Variants in ZNF423 observed in about 807,000 individuals in gnomAD.
ZNF423 encodes the protein Ebf-associated zinc finger protein.
ZNF423 carries 12 observed loss-of-function variants against 95.8 expected under a neutral mutation model. The observed-to-expected ratio is 0.13, with a 90% CI of 0.08 to 0.20. The LOEUF (loss-of-function observed/expected upper bound fraction) is 0.20. Among genes scored for constraint, ZNF423 ranks in the 10% least tolerant of loss-of-function variants. ZNF423 has a pLI of 1.00. For missense variants in ZNF423, 1,316 were observed against 1,737.1 expected (o/e 0.76, Z 4.31); for synonymous variants, 749 against 711.9 (o/e 1.05, Z -0.83).
chr16:49,499,970 G>C (rs1365253806), intron 7 of ZNF423, among the ~76,000 whole-genome samples: 1 of 152,130 alleles, frequency 6.6e-6, no homozygotes, highest in Non-Finnish European at 1.5e-5. Flanking sequence ...GGGGACTCAG[G>C]GGAGCTGCAC....
rs750005155 is a variant in ZNF423 at position 49,592,969 on chromosome 16, A to C, written c.3601+33201T>G. Among the ~76,000 whole-genome samples, 53 of 152,208 alleles carry C rather than the reference A, an allele frequency of 3.5e-4. 1 individual carries two copies. The highest frequency in any genetic ancestry group is 3.2e-3 in the Middle Eastern group (1 of 316). The stretch of plus-strand genomic sequence containing the variant: ...TTTCGTGCGGTTGTGGGTCTGGAGA[A>C]GGGTCAGTCATCCAGGTGCAGTCAT... On this transcript the variant is annotated intron_variant, in intron 5 of 7. Transcript: ENST00000563137.
At chr16:49,675,173 A>C (rs191106842) in intron 3 of ZNF423, among the ~76,000 whole-genome samples, 11 of 152,300 alleles carry the variant, frequency 7.2e-5, no homozygotes, top group African/African-American at 2.4e-4. Context: ...TGGATACATC[A>C]CTAAACCTCT....
At chr16:49,526,236 G>A (rs908050322) in intron 5 of ZNF423, among the ~76,000 whole-genome samples, 2 of 152,114 alleles carry the variant, frequency 1.3e-5, no homozygotes, top group Non-Finnish European at 2.9e-5. Context: ...CGAGACTGAC[G>A]GGCAGCATGG....
intron 7 of ZNF423, among the ~76,000 whole-genome samples, chr16:49,513,087 G>T (rs1453918260): frequency 2.0e-5 from 3 of 152,182 alleles, no homozygotes; most frequent in Non-Finnish European, 4.4e-5. Context: ...GACCGAGTGA[G>T]ACTCTGTCTC....
At chr16:49,548,435 G>A (rs978922115) in intron 5 of ZNF423, among the ~76,000 whole-genome samples, 5 of 151,908 alleles carry the variant, frequency 3.3e-5, no homozygotes, top group South Asian at 2.1e-4. Context: ...GATAAGCAAC[G>A]GCATTACATA....
intron 1 of ZNF423, among the ~76,000 whole-genome samples, chr16:49,798,685 G>A (rs1019641030): frequency 6.6e-6 from 1 of 152,094 alleles, no homozygotes; most frequent in Non-Finnish European, 1.5e-5. Flanking sequence ...CTGATAGATG[G>A]TCAGTGGGTC....
intron 1 of ZNF423, among the ~76,000 whole-genome samples, chr16:49,843,972 A>G (rs959247361): frequency 2.0e-5 from 3 of 152,190 alleles, no homozygotes; most frequent in Non-Finnish European, 4.4e-5. Context: ...GCAGGATGGC[A>G]AGGTTATTGA....
intron 3 of ZNF423, among the ~76,000 whole-genome samples, chr16:49,666,688 G>C (rs1316651574): frequency 6.6e-6 from 1 of 152,180 alleles, no homozygotes; most frequent in African/African-American, 2.4e-5. Context: ...CTGCCTAACA[G>C]CTGGAGATGG....
intron 2 of ZNF423, among the ~76,000 whole-genome samples, chr16:49,766,573 TA>T (rs1401380181): frequency 2.0e-5 from 3 of 152,202 alleles, no homozygotes; most frequent in Non-Finnish European, 4.4e-5. Context: ...TGGCTTCTTA[TA>T]AAACAAAGTT....
chr16:49,561,416 A>G (rs1876355345), intron 5 of ZNF423, among the ~76,000 whole-genome samples: 1 of 152,236 alleles, frequency 6.6e-6, no homozygotes, highest in African/African-American at 2.4e-5. Flanking sequence ...TATTACATAT[A>G]TGCACCAGAT....
At chr16:49,505,898 C>A (rs977278886) in intron 7 of ZNF423, among the ~76,000 whole-genome samples, 17 of 152,158 alleles carry the variant, frequency 1.1e-4, no homozygotes, top group Non-Finnish European at 2.5e-4. Flanking sequence ...ATTGTCACTG[C>A]CCAGATACCT....
intron 1 of ZNF423, among the ~76,000 whole-genome samples, chr16:49,845,253 T>C (rs1285108523): frequency 6.6e-6 from 1 of 151,328 alleles, no homozygotes; most frequent in Non-Finnish European, 1.5e-5. Context: ...TACAGGCGCA[T>C]GCCACCACGC....
intron 5 of ZNF423, among the ~76,000 whole-genome samples, chr16:49,570,014 C>T (rs1198782577): frequency 6.6e-6 from 1 of 152,192 alleles, no homozygotes; most frequent in African/African-American, 2.4e-5. Flanking sequence ...GGTCTGCATT[C>T]TGACCCTCCT....
chr16:49,618,871 T>G (rs2151854302), intron 5 of ZNF423, among the ~76,000 whole-genome samples: 1 of 152,136 alleles, frequency 6.6e-6, no homozygotes, highest in Non-Finnish European at 1.5e-5. Flanking sequence ...ATCCTGCTGG[T>G]TATGTCTCTT....
intron 7 of ZNF423, among the ~76,000 whole-genome samples, chr16:49,513,629 AT>A (rs1967989355): frequency 7.6e-6 from 1 of 131,784 alleles, no homozygotes; most frequent in Non-Finnish European, 1.6e-5. Flanking sequence ...GTTAACACAT[AT>A]GGGGATGGAT....
At chr16:49,644,703 A>G (rs1267909913) in intron 3 of ZNF423, among the ~76,000 whole-genome samples, 5 of 134,232 alleles carry the variant, frequency 3.7e-5, no homozygotes, top group Non-Finnish European at 4.7e-5. Flanking sequence ...AAAAACCGTG[A>G]GCCTACAGAG....
At chr16:49,498,994 G>T (rs1360699120) in intron 7 of ZNF423, among the ~76,000 whole-genome samples, 1 of 152,164 alleles carries the variant, frequency 6.6e-6, no homozygotes, top group Admixed American at 6.5e-5. Context: ...GATGGCCAAG[G>T]TTCCCTCTAA....
intron 3 of ZNF423, among the ~76,000 whole-genome samples, chr16:49,685,018 C>T (rs75423912): frequency 0.036 from 5,474 of 152,262 alleles, 157 homozygotes; most frequent in East Asian, 0.072. Context: ...GAGGCCCAGC[C>T]AGGCCAGCCA....
chr16:49,837,508 G>A (rs2144080370), intron 1 of ZNF423, among the ~76,000 whole-genome samples: 1 of 152,300 alleles, frequency 6.6e-6, no homozygotes, highest in South Asian at 2.1e-4. Context: ...TCCCCAGAAA[G>A]AACCATGCAC....
Sources: gnomAD v4.1 joint callset for allele counts (sites outside exome capture counted in the v4.1 genomes callset) on GRCh38, gnomAD v4.1.1 for gene constraint, MANE v1.5 for transcripts, NCBI Gene and HGNC (gene_info 2026-07-23, HGNC 2026-07-21) for gene names.